The following ANO1 variants were observed in gnomAD, a reference collection of about 807,000 sequenced individuals.
ANO1 encodes the protein anoctamin 1, also known as anoctamin-1.
ANO1 carries 59 observed loss-of-function variants against 124.0 expected under a neutral mutation model. The ratio of observed to expected loss-of-function variants is 0.48; its 90% CI spans 0.39 to 0.59. The LOEUF (loss-of-function observed/expected upper bound fraction) is 0.59. ANO1 is among the 20% of genes least tolerant of loss of function. ANO1 has a pLI of 0.00. For synonymous variants in ANO1, 529 were observed against 532.0 expected (o/e 0.99, Z 0.08); for missense variants, 1,059 against 1,328.0 (o/e 0.80, Z 3.15).
At chr11:70,097,193 G>A (rs927046669) in intron 2 of ANO1, among the ~76,000 whole-genome samples, 1 of 152,182 alleles carries the variant, frequency 6.6e-6, no homozygotes. Context: ...GCAAGGGCTG[G>A]GATTAAAGAT....
intron 1 of ANO1, among the ~76,000 whole-genome samples, chr11:70,023,078 C>T (rs1323186286): frequency 6.6e-6 from 1 of 152,196 alleles, no homozygotes; most frequent in East Asian, 1.9e-4. Context: ...AAGGAACAGC[C>T]CTGCTGACAC....
chr11:70,165,354 C>A lies in ANO1; in HGVS notation c.1951-116C>A, dbSNP rs1281774585. The stretch of plus-strand genomic sequence containing the variant: ...CAGGTGGCGGGGATTAGAACCTGAG[C>A]GTCTTTTTTTGGAGGACGCAGGTCA... On this transcript the variant is annotated intron_variant, in intron 19 of 25. Coordinates refer to ENST00000355303, the MANE Select transcript of ANO1 (RefSeq NM_018043.7). 3.7e-6 allele frequency: 3 copies of A among 810,418 alleles called. No individual in the cohort carries two copies. In the East Asian group the frequency reaches 8.0e-5, roughly 22 times the overall value. The allele number at this position is 810,418 out of a possible 1,614,324, so 50.2% of individuals were successfully genotyped here.
upstream of ANO1, among the ~76,000 whole-genome samples, chr11:69,985,684 C>A (rs1475733680): frequency 6.6e-6 from 1 of 152,210 alleles, no homozygotes; most frequent in Non-Finnish European, 1.5e-5. Context: ...ACTGATAAGA[C>A]GGTCTGGGAG....
At chr11:69,992,181 G>A (rs1554997626) in intron 1 of ANO1, among the ~76,000 whole-genome samples, 1 of 151,836 alleles carries the variant, frequency 6.6e-6, no homozygotes, top group East Asian at 1.9e-4. Flanking sequence ...GATGATGGAT[G>A]GATAGTAGGT....
chr11:70,080,105 G>GA lies in ANO1; in HGVS notation c.108+1394dup, dbSNP rs2044158416. Among the ~76,000 whole-genome samples the GA allele has an allele frequency of 2.6e-5, 4 of 152,394 alleles. No individual in the cohort carries two copies. The South Asian group carries it at 8.3e-4, about 32-fold the overall frequency. On this transcript the variant is annotated intron_variant, in intron 1 of 25. Coordinates refer to ENST00000355303, the MANE Select transcript of ANO1 (RefSeq NM_018043.7). The stretch of plus-strand genomic sequence containing the variant: ...CTCCGCCCATCTGGAGCTTACTTAA[G>GA]AAATGGTGATGGAACGTTACCCGTT...
chr11:70,097,486 C>T (rs1037984388), intron 2 of ANO1, among the ~76,000 whole-genome samples: 1 of 152,238 alleles, frequency 6.6e-6, no homozygotes, highest in Admixed American at 6.5e-5. Flanking sequence ...CAGGCAGACC[C>T]CTGCCCAGGG....
rs965302191 is a variant in ANO1, at chr11:70,182,444, G to A, written c.2404-58G>A. 8.7e-5 allele frequency: 123 copies of A among 1,408,886 alleles called. 1 individual carries two copies. In the Middle Eastern group the frequency reaches 2.6e-3, roughly 30 times the overall value. 87.3% of individuals were successfully genotyped at this position (1,408,886 alleles called of 1,614,324 possible). On this transcript the variant is annotated intron_variant, in intron 23 of 25. Coordinates refer to ENST00000355303, the MANE Select transcript of ANO1 (RefSeq NM_018043.7). ...CTGTGGATGGGTCACCCCCTGTTGC[G>A]GCCGGCCCTTCTGCGCCCAGGCTGG... is the stretch of plus-strand genomic sequence containing the variant.
chr11:70,128,615 C>T lies in ANO1; in HGVS notation c.1097+2420C>T, dbSNP rs114200332. 2.5e-3 allele frequency among the ~76,000 whole-genome samples: 386 copies of T among 152,314 alleles called. 2 individuals carry two copies. Among genetic ancestry groups the T allele is most frequent in the African/African-American group, 8.9e-3 (369 of 41,574 alleles). On this transcript the variant is annotated intron_variant, in intron 10 of 25. Transcript: ENST00000355303. ...AAAGCCAAGGCCTCTGCCCAGCAGG[C>T]GACCTGGAGCGAAGCGGGAGGTGCG...
intron 1 of ANO1, among the ~76,000 whole-genome samples, chr11:70,044,585 A>T (rs1555005380): frequency 6.6e-6 from 1 of 152,202 alleles, no homozygotes; most frequent in Non-Finnish European, 1.5e-5. Context: ...TATTTACAAT[A>T]GAATGCCAAC....
intron 1 of ANO1, among the ~76,000 whole-genome samples, chr11:70,059,541 G>T (rs11232207): frequency 0.15 from 22,954 of 151,978 alleles, 1,781 homozygotes; most frequent in East Asian, 0.23. Context: ...ACGGACACGG[G>T]GCATATGAGT....
At chr11:70,135,984 G>A (rs536690442) in intron 11 of ANO1, among the ~76,000 whole-genome samples, 1 of 152,204 alleles carries the variant, frequency 6.6e-6, no homozygotes, top group African/African-American at 2.4e-5. Flanking sequence ...GGCAGGCATG[G>A]GTGCCGCAGC....
At chr11:69,966,700 C>T in the ANO1 span, among the ~76,000 whole-genome samples, 6 of 152,218 alleles carry the variant, frequency 3.9e-5, no homozygotes, top group Non-Finnish European at 8.8e-5. Context: ...GAGAGCATCA[C>T]TTGCTGTCAA....
chr11:70,150,017 G>A, intron 12 of ANO1: 1 of 651,168 alleles, frequency 1.5e-6, no homozygotes, highest in Non-Finnish European at 2.8e-6. Flanking sequence ...CTGCTGAAGT[G>A]TTTTCATCCC....
At chr11:69,971,609 A>T in the ANO1 span, among the ~76,000 whole-genome samples, 2 of 151,670 alleles carry the variant, frequency 1.3e-5, no homozygotes, top group African/African-American at 4.8e-5. Flanking sequence ...TGTTTTTTAG[A>T]TACTCAGACT....
intron 22 of ANO1, among the ~76,000 whole-genome samples, chr11:70,173,238 C>T (rs1198670282): frequency 6.6e-6 from 1 of 152,152 alleles, no homozygotes; most frequent in Non-Finnish European, 1.5e-5. Context: ...TGCGTAAGGC[C>T]CTGGCTTTGA....
chr11:69,977,246 GGTCA>G, the ANO1 span, among the ~76,000 whole-genome samples: 2 of 152,144 alleles, frequency 1.3e-5, no homozygotes, highest in African/African-American at 4.8e-5. Context: ...CTGTGTGCAC[GGTCA>G]GTCAGAAGGT....
intron 2 of ANO1, among the ~76,000 whole-genome samples, chr11:70,099,760 G>C (rs1263933814): frequency 1.3e-5 from 2 of 152,194 alleles, no homozygotes; most frequent in South Asian, 2.1e-4. Context: ...AGGCTCCCCT[G>C]CTGGGAAACA....
chr11:70,172,065 A>G (rs2048492148), intron 22 of ANO1, among the ~76,000 whole-genome samples: 2 of 149,554 alleles, frequency 1.3e-5, no homozygotes, highest in Admixed American at 1.3e-4. Context: ...GGCTGCAGTG[A>G]GACGTGATCA....
chr11:70,008,932 C>T (rs1555000559), intron 1 of ANO1, among the ~76,000 whole-genome samples: 18 of 152,130 alleles, frequency 1.2e-4, no homozygotes. Context: ...CAGCCTGTGT[C>T]CCACACATCT....
Sources: gnomAD v4.1 joint callset for allele counts (sites outside exome capture counted in the v4.1 genomes callset) on GRCh38, gnomAD v4.1.1 for gene constraint, MANE v1.5 for transcripts, NCBI Gene and HGNC (gene_info 2026-07-23, HGNC 2026-07-21) for gene names.